The following SPOCK1 variants were observed in gnomAD, a reference collection of about 807,000 sequenced individuals.
SPOCK1 encodes the protein testican-1.
SPOCK1 carries 23 observed loss-of-function variants against 55.3 expected under a neutral mutation model. The ratio of observed to expected loss-of-function variants is 0.42; its 90% CI spans 0.30 to 0.59. The LOEUF (loss-of-function observed/expected upper bound fraction) is 0.59. Among genes scored for constraint, SPOCK1 ranks in the 20% least tolerant of loss-of-function variants. The pLI is 0.22. For missense variants in SPOCK1, 499 were observed against 552.5 expected, an observed-to-expected ratio of 0.90 and a Z score of 0.97; for synonymous variants, 226 against 221.0, an observed-to-expected ratio of 1.02 and a Z score of -0.20.
intron 2 of SPOCK1, among the ~76,000 whole-genome samples, chr5:137,366,739 T>C (rs575159605): frequency 6.6e-6 from 1 of 152,322 alleles, no homozygotes; most frequent in Non-Finnish European, 1.5e-5. Flanking sequence ...AGTAGGAGTT[T>C]AGTCAAAACA....
chr5:137,153,831 C>G (rs563218171), intron 3 of SPOCK1, among the ~76,000 whole-genome samples: 78 of 151,408 alleles, frequency 5.2e-4, no homozygotes, highest in African/African-American at 1.8e-3. Flanking sequence ...GCACTCCAGC[C>G]TGGGTGACAG....
chr5:137,459,646 C>T (rs577486600), intron 2 of SPOCK1, among the ~76,000 whole-genome samples: 37 of 152,064 alleles, frequency 2.4e-4, no homozygotes, highest in Non-Finnish European at 4.6e-4. Flanking sequence ...TGGTTTCCAG[C>T]TTGTTCACAG....
chr5:137,043,661 C>T (rs887168936), intron 6 of SPOCK1, among the ~76,000 whole-genome samples: 2 of 152,134 alleles, frequency 1.3e-5, no homozygotes, highest in African/African-American at 4.8e-5. Flanking sequence ...TTCCCCAAAA[C>T]TCATAACCCT....
At chr5:137,119,880 T>A (rs1346353104) in intron 4 of SPOCK1, among the ~76,000 whole-genome samples, 1 of 152,230 alleles carries the variant, frequency 6.6e-6, no homozygotes, top group Non-Finnish European at 1.5e-5. Flanking sequence ...TCCTTTAACA[T>A]ACCAGGCATT....
chr5:137,405,896 C>T (rs1164974179), intron 2 of SPOCK1, among the ~76,000 whole-genome samples: 1 of 152,126 alleles, frequency 6.6e-6, no homozygotes, highest in Non-Finnish European at 1.5e-5. Context: ...AGGCTTCCTG[C>T]AATGGCCGAG....
intron 2 of SPOCK1, among the ~76,000 whole-genome samples, chr5:137,302,379 C>G (rs1018146640): frequency 8.1e-5 from 12 of 148,110 alleles, no homozygotes; most frequent in Non-Finnish European, 1.6e-4. Flanking sequence ...ACCATCCTGG[C>G]CAACACAGTG....
At chr5:137,427,589 A>AC (rs1752659891) in intron 2 of SPOCK1, among the ~76,000 whole-genome samples, 1 of 152,134 alleles carries the variant, frequency 6.6e-6, no homozygotes, top group Admixed American at 6.5e-5. Context: ...CTGGGTTGGA[A>AC]CCCAGAAACA....
chr5:137,142,016 C>T lies in SPOCK1; in HGVS notation c.233-1322G>A, dbSNP rs574819390. 2.6e-5 allele frequency among the ~76,000 whole-genome samples: 4 copies of T among 152,336 alleles called. No individual in the cohort carries two copies. In the South Asian group the frequency reaches 8.3e-4, roughly 32 times the overall value. ...CACAGAAGAGGCCTCGGGGAATTCT[C>T]TGCAAAACAAAAGCAATTGTGCCAT... is the stretch of plus-strand genomic sequence containing the variant. On this transcript the variant is annotated intron_variant, in intron 3 of 10. Coordinates refer to ENST00000394945, the MANE Select transcript of SPOCK1 (RefSeq NM_004598.4).
At chr5:137,302,644 T>C (rs1757623841) in intron 2 of SPOCK1, among the ~76,000 whole-genome samples, 1 of 151,758 alleles carries the variant, frequency 6.6e-6, no homozygotes. Context: ...TAGATGCCAT[T>C]AAAAGCCTAA....
intron 6 of SPOCK1, among the ~76,000 whole-genome samples, chr5:137,044,598 T>G (rs1451425794): frequency 6.6e-6 from 1 of 152,174 alleles, no homozygotes; most frequent in Non-Finnish European, 1.5e-5. Context: ...ATACATAAGG[T>G]ACAGAGTGTT....
chr5:136,999,501 G>A (rs999627549), intron 6 of SPOCK1, among the ~76,000 whole-genome samples: 2 of 152,222 alleles, frequency 1.3e-5, no homozygotes, highest in East Asian at 1.9e-4. Flanking sequence ...TAGGAGCTAG[G>A]AAATCCAAGC....
chr5:137,167,183 A>T (rs1754664244), intron 3 of SPOCK1, among the ~76,000 whole-genome samples: 1 of 152,096 alleles, frequency 6.6e-6, no homozygotes, highest in Non-Finnish European at 1.5e-5. Context: ...ACATTAGGTG[A>T]AATAGATTTT....
chr5:137,163,912 ATTTC>A (rs1754603959), intron 3 of SPOCK1, among the ~76,000 whole-genome samples: 1 of 152,154 alleles, frequency 6.6e-6, no homozygotes, highest in African/African-American at 2.4e-5. Flanking sequence ...TATTGCTCAT[ATTTC>A]TTTCTGTTTA....
chr5:137,021,288 C>A (rs1423328138), intron 6 of SPOCK1, among the ~76,000 whole-genome samples: 2 of 152,096 alleles, frequency 1.3e-5, no homozygotes, highest in Non-Finnish European at 2.9e-5. Context: ...ATGATTCCAT[C>A]TACAAAAATA....
intron 6 of SPOCK1, among the ~76,000 whole-genome samples, chr5:137,065,183 G>A (rs1199411817): frequency 1.5e-5 from 2 of 133,198 alleles, no homozygotes; most frequent in African/African-American, 2.8e-5. Flanking sequence ...AGCTGAGATC[G>A]CACCACTGCA....
chr5:137,186,265 T>C (rs764680734), intron 3 of SPOCK1, among the ~76,000 whole-genome samples: 5 of 152,212 alleles, frequency 3.3e-5, no homozygotes, highest in Non-Finnish European at 7.3e-5. Context: ...ATGTACATGA[T>C]CAGTACATGA....
At chr5:137,380,317 C>T (rs1751435548) in intron 2 of SPOCK1, among the ~76,000 whole-genome samples, 1 of 152,124 alleles carries the variant, frequency 6.6e-6, no homozygotes, top group South Asian at 2.1e-4. Flanking sequence ...GTGTAGTCAC[C>T]ACAATAGCTT....
At chr5:137,137,537 C>A (rs1431489063) in intron 4 of SPOCK1, among the ~76,000 whole-genome samples, 1 of 152,178 alleles carries the variant, frequency 6.6e-6, no homozygotes, top group Non-Finnish European at 1.5e-5. Context: ...CTTCCTGGAC[C>A]AGGCCACCTC....
chr5:137,280,844 A>C (rs1043385348), intron 2 of SPOCK1, among the ~76,000 whole-genome samples: 1 of 152,208 alleles, frequency 6.6e-6, no homozygotes, highest in Non-Finnish European at 1.5e-5. Context: ...CCTTGTAAAC[A>C]CAGCCCCGGT....
Sources: gnomAD v4.1 joint callset for allele counts (sites outside exome capture counted in the v4.1 genomes callset) on GRCh38, gnomAD v4.1.1 for gene constraint, MANE v1.5 for transcripts, NCBI Gene and HGNC (gene_info 2026-07-23, HGNC 2026-07-21) for gene names.